TRMT11: variants seen among roughly 807,000 people sequenced by gnomAD.
TRMT11 encodes tRNA methyltransferase 11, also known as tRNA (guanine(10)-N(2))-methyltransferase TRMT11.
TRMT11 carries 53 observed loss-of-function variants against 62.8 expected under a neutral mutation model. The observed-to-expected ratio is 0.84, with a 90% CI of 0.68 to 1.06. The LOEUF (loss-of-function observed/expected upper bound fraction) is 1.06. TRMT11 is among the 50% of genes least tolerant of loss of function. The probability of loss-of-function intolerance (pLI) is 0.00; values close to 1 mark genes in which losing one functional copy is unlikely to be tolerated. For synonymous variants in TRMT11, 188 were observed against 190.3 expected (o/e 0.99, Z 0.10); for missense variants, 556 against 553.4 (o/e 1.00, Z -0.05).
chr6:126,042,400 G>C (rs1057444313), downstream of TRMT11, among the ~76,000 whole-genome samples: 1 of 152,152 alleles, frequency 6.6e-6, no homozygotes, highest in African/African-American at 2.4e-5. Flanking sequence ...GGGCTCTTTG[G>C]GGGATGGAGG....
rs201004254 is a variant in TRMT11 at position 126,168,185 on chromosome 6, CCTT to C, written c.*1824-6637_*1824-6635del. On this transcript the variant is annotated intron_variant and NMD_transcript_variant, in intron 21 of 22. Transcript: ENST00000648977. ...TGCTGAACAGTGAAGCTGTGGAACT[CCTT>C]CTCTTACACCGGCAACCTCAGCCCT... Among the ~76,000 whole-genome samples, 9 of 152,150 alleles carry C rather than the reference CCTT, an allele frequency of 5.9e-5. No homozygotes were observed. In the East Asian group the frequency reaches 1.7e-3, roughly 29 times the overall value.
At chr6:126,130,340 A>C (rs970378296) in intron 21 of TRMT11, among the ~76,000 whole-genome samples, 1 of 152,052 alleles carries the variant, frequency 6.6e-6, no homozygotes, top group African/African-American at 2.4e-5. Context: ...CCTACATAGA[A>C]ATTCAATGGA....
the TRMT11 span, among the ~76,000 whole-genome samples, chr6:126,238,402 T>C: frequency 6.6e-6 from 1 of 152,234 alleles, no homozygotes; most frequent in Non-Finnish European, 1.5e-5. Flanking sequence ...GAGATTCTGG[T>C]ATGTTGTATC....
intron 2 of TRMT11, among the ~76,000 whole-genome samples, chr6:125,995,640 A>G (rs1583638474): frequency 6.6e-6 from 1 of 152,192 alleles, no homozygotes; most frequent in Non-Finnish European, 1.5e-5. Context: ...ATTATAAGGG[A>G]TGATTAGCCA....
At chr6:126,068,713 A>T (rs1776759279) in intron 17 of TRMT11, among the ~76,000 whole-genome samples, 1 of 152,214 alleles carries the variant, frequency 6.6e-6, no homozygotes, top group African/African-American at 2.4e-5. Context: ...CTTTTCATTC[A>T]AGAGCGTATC....
Position 126,039,142 on chromosome 6 carries a change from T to C in TRMT11, c.*306T>C, listed in dbSNP as rs562804241. 1.1e-3 allele frequency: 204 copies of C among 181,438 alleles called. 1 individual carries two copies. The highest frequency in any genetic ancestry group is 4.3e-3 in the African/African-American group (184 of 42,640). The allele number at this position is 181,438 out of a possible 1,614,324, so 11.2% of individuals were successfully genotyped here. A position where few individuals can be genotyped will look rare whatever the true frequency, so the allele number is the denominator to read the frequency against. On this transcript the variant is annotated 3_prime_UTR_variant, in exon 13 of 13. Coordinates refer to ENST00000334379, the MANE Select transcript of TRMT11 (RefSeq NM_001031712.3). The stretch of plus-strand genomic sequence containing the variant: ...AAAGGGAATTAATATTGTTGACTTT[T>C]AAAACATCTGCTGGATATATTATAT...
intron 21 of TRMT11, among the ~76,000 whole-genome samples, chr6:126,116,477 T>C (rs1777588798): frequency 6.6e-6 from 1 of 152,084 alleles, no homozygotes; most frequent in Non-Finnish European, 1.5e-5. Context: ...TCTCTTCTTC[T>C]TCCCATAAGC....
chr6:125,997,156 T>C (rs1452047906), intron 3 of TRMT11, among the ~76,000 whole-genome samples: 1 of 152,184 alleles, frequency 6.6e-6, no homozygotes, highest in Non-Finnish European at 1.5e-5. Context: ...TATCTATATA[T>C]TTTGTGTAGC....
intron 17 of TRMT11, among the ~76,000 whole-genome samples, chr6:126,096,444 C>T (rs897275318): frequency 6.6e-6 from 1 of 152,202 alleles, no homozygotes; most frequent in African/African-American, 2.4e-5. Context: ...CTCTAACTCT[C>T]AGCAGCAGAT....
Position 126,079,971 on chromosome 6 carries a change from G to A in TRMT11, c.*1437+26781G>A, listed in dbSNP as rs6913510. On this transcript the variant is annotated intron_variant and NMD_transcript_variant, in intron 17 of 22. Transcript: ENST00000648977. Reference sequence around the variant, plus strand: ...GCAGACATACTAGTGATCAGAAAGCGTTAGATCTTTGGTGGTGGCTAACTA... The same window carrying A: ...GCAGACATACTAGTGATCAGAAAGCATTAGATCTTTGGTGGTGGCTAACTA... Among the ~76,000 whole-genome samples, 550 of 152,274 alleles carry A rather than the reference G, an allele frequency of 3.6e-3. 6 individuals carry two copies. The highest frequency in any genetic ancestry group is 0.013 in the African/African-American group (521 of 41,562).
intron 21 of TRMT11, among the ~76,000 whole-genome samples, chr6:126,134,427 C>G (rs374207771): frequency 9.4e-4 from 143 of 151,788 alleles, no homozygotes; most frequent in African/African-American, 3.3e-3. Context: ...AATGATAAAA[C>G]GTCAATTTAG....
chr6:126,244,853 G>T, the TRMT11 span, among the ~76,000 whole-genome samples: 1 of 152,176 alleles, frequency 6.6e-6, no homozygotes, highest in African/African-American at 2.4e-5. Flanking sequence ...CTGGGTTTAA[G>T]TCCCAACTCT....
chr6:126,151,826 C>CCTTTCTTTCTTTCTTTCTTTCTTTCTTTG (rs1778048755), intron 21 of TRMT11, among the ~76,000 whole-genome samples: 9 of 76,132 alleles, frequency 1.2e-4, no homozygotes, highest in African/African-American at 6.1e-4. Context: ...TTCTTTCTTT[C>CCTTTCTTTCTTTCTTTCTTTCTTTCTTTG]TTTCTTTCTT....
At chr6:126,203,476 C>T (rs1280473432), downstream of TRMT11, among the ~76,000 whole-genome samples, 1 of 152,164 alleles carries the variant, frequency 6.6e-6, no homozygotes, top group Non-Finnish European at 1.5e-5. Context: ...CTTCAGCCTA[C>T]CCTGGTCACC....
At chr6:126,082,664 G>A (rs1777170898) in intron 17 of TRMT11, among the ~76,000 whole-genome samples, 1 of 152,026 alleles carries the variant, frequency 6.6e-6, no homozygotes, top group Admixed American at 6.6e-5. Flanking sequence ...ATGTATAATG[G>A]GGACTCATAG....
intron 21 of TRMT11, among the ~76,000 whole-genome samples, chr6:126,127,543 G>A (rs1343553588): frequency 1.3e-5 from 2 of 151,396 alleles, no homozygotes; most frequent in Admixed American, 6.6e-5. Flanking sequence ...TAGGGTACAT[G>A]TGCACAACGT....
intron 21 of TRMT11, among the ~76,000 whole-genome samples, chr6:126,133,334 A>T (rs758939070): frequency 6.6e-6 from 1 of 152,046 alleles, no homozygotes; most frequent in Non-Finnish European, 1.5e-5. Flanking sequence ...AGTGTAATGG[A>T]TAAAAGCAAG....
exon 21 of TRMT11, among the ~76,000 whole-genome samples, chr6:126,115,750 G>A (rs1293841235): frequency 6.6e-6 from 1 of 151,972 alleles, no homozygotes; most frequent in Non-Finnish European, 1.5e-5. Context: ...TAGCTCTTAG[G>A]TGGCACTAGA....
intron 21 of TRMT11, among the ~76,000 whole-genome samples, chr6:126,122,915 T>C (rs1170996340): frequency 1.3e-5 from 2 of 152,144 alleles, no homozygotes; most frequent in African/African-American, 2.4e-5. Context: ...ATTTCTGCAG[T>C]GAAATCGTAT....
Sources: gnomAD v4.1 joint callset for allele counts (sites outside exome capture counted in the v4.1 genomes callset) on GRCh38, gnomAD v4.1.1 for gene constraint, MANE v1.5 for transcripts, NCBI Gene and HGNC (gene_info 2026-07-23, HGNC 2026-07-21) for gene names.